Variants in NKAIN3 observed in about 807,000 individuals in gnomAD.
NKAIN3 encodes sodium/potassium transporting ATPase interacting 3.
In NKAIN3, 25 loss-of-function variants were observed where a neutral mutation model predicts 30.2. The ratio of observed to expected loss-of-function variants is 0.83; its 90% CI spans 0.60 to 1.16. The LOEUF is 1.16. NKAIN3 is among the 50% of genes most tolerant of loss of function. NKAIN3 has a pLI of 0.00. For synonymous variants in NKAIN3, 91 were observed against 89.6 expected, an observed-to-expected ratio of 1.02 and a Z score of -0.09; for missense variants, 225 against 254.1, an observed-to-expected ratio of 0.89 and a Z score of 0.78.
chr8:62,688,838 TTATC>T (rs1297749289), intron 3 of NKAIN3, among the ~76,000 whole-genome samples: 2 of 152,070 alleles, frequency 1.3e-5, no homozygotes, highest in Non-Finnish European at 2.9e-5. Flanking sequence ...TCCAAAGTCT[TTATC>T]TATTCTTCAG....
intron 1 of NKAIN3, among the ~76,000 whole-genome samples, chr8:62,263,806 C>A (rs546351489): frequency 6.6e-6 from 1 of 152,168 alleles, no homozygotes; most frequent in South Asian, 2.1e-4. Context: ...ATTTTCCATT[C>A]AAGTATAGAG....
intron 1 of NKAIN3, among the ~76,000 whole-genome samples, chr8:62,417,710 C>A (rs1804493337): frequency 6.6e-6 from 1 of 152,048 alleles, no homozygotes; most frequent in African/African-American, 2.4e-5. Flanking sequence ...ATTTAAATTT[C>A]TTTGACGATC....
intron 5 of NKAIN3, among the ~76,000 whole-genome samples, chr8:62,920,912 A>G (rs1261475173): frequency 6.6e-6 from 1 of 152,192 alleles, no homozygotes; most frequent in Non-Finnish European, 1.5e-5. Context: ...ATAGTTCTCA[A>G]ATGAGGGTAA....
chr8:62,462,555 A>G (rs1157403855), intron 1 of NKAIN3, among the ~76,000 whole-genome samples: 1 of 152,150 alleles, frequency 6.6e-6, no homozygotes, highest in Non-Finnish European at 1.5e-5. Context: ...AACCTCTGCT[A>G]AATTATACTT....
chr8:62,995,937 G>T (rs1804102735), intron 5 of NKAIN3, among the ~76,000 whole-genome samples: 1 of 152,172 alleles, frequency 6.6e-6, no homozygotes, highest in Admixed American at 6.5e-5. Context: ...AGAAACTCTT[G>T]GGTGGGCCCA....
intron 5 of NKAIN3, among the ~76,000 whole-genome samples, chr8:62,997,596 T>C (rs1804147299): frequency 6.6e-6 from 1 of 152,164 alleles, no homozygotes; most frequent in Non-Finnish European, 1.5e-5. Context: ...AGTGTTCAGA[T>C]CCACCAGCTG....
chr8:62,977,246 C>T lies in NKAIN3; in HGVS notation c.*11839C>T, dbSNP rs139718850. Reference sequence around the variant, plus strand: ...TTCTGTATTTCCTAAGCCTGCCTTGCGAGGTTGGGGAAGTTCTCCTGGATT... The same window carrying T: ...TTCTGTATTTCCTAAGCCTGCCTTGTGAGGTTGGGGAAGTTCTCCTGGATT... On this transcript the variant is annotated 3_prime_UTR_variant, in exon 7 of 7. Coordinates refer to ENST00000623646, the MANE Select transcript of NKAIN3 (RefSeq NM_001304533.3). Among the ~76,000 whole-genome samples the T allele has an allele frequency of 3.1e-4, 47 of 152,218 alleles. No individual in the cohort carries two copies. The highest frequency in any genetic ancestry group is 1.0e-3 in the African/African-American group (42 of 41,546).
At chr8:62,759,433 G>C (rs1218736997) in intron 4 of NKAIN3, among the ~76,000 whole-genome samples, 4 of 152,138 alleles carry the variant, frequency 2.6e-5, no homozygotes, top group Non-Finnish European at 5.9e-5. Flanking sequence ...TGTAGCAGTT[G>C]CAGACTATAT....
At chr8:62,790,203 G>C (rs4645552) in intron 4 of NKAIN3, among the ~76,000 whole-genome samples, 2,340 of 152,188 alleles carry the variant, frequency 0.015, 26 homozygotes, top group Middle Eastern at 0.041. Flanking sequence ...CAGAACCAAA[G>C]ACAAAAACCA....
chr8:62,335,524 C>A (rs1454726820), intron 1 of NKAIN3, among the ~76,000 whole-genome samples: 1 of 151,566 alleles, frequency 6.6e-6, no homozygotes, highest in African/African-American at 2.4e-5. Flanking sequence ...CTGGTAAAAT[C>A]AGTTCTATGT....
chr8:62,660,401 T>A (rs1235721306), intron 3 of NKAIN3, among the ~76,000 whole-genome samples: 1 of 152,176 alleles, frequency 6.6e-6, no homozygotes, highest in Non-Finnish European at 1.5e-5. Flanking sequence ...TGGATAGAGA[T>A]GAGGTATCCA....
At chr8:62,869,849 G>C (rs1483928217) in intron 4 of NKAIN3, among the ~76,000 whole-genome samples, 6 of 151,952 alleles carry the variant, frequency 3.9e-5, no homozygotes, top group African/African-American at 9.7e-5. Flanking sequence ...CTCACTGCAA[G>C]CTCCGCCTCC....
chr8:62,280,983 A>G (rs553557489), intron 1 of NKAIN3, among the ~76,000 whole-genome samples: 1 of 152,244 alleles, frequency 6.6e-6, no homozygotes, highest in African/African-American at 2.4e-5. Context: ...GGTAGAATTC[A>G]GCTGTGAATC....
chr8:62,767,719 C>G (rs995961997), intron 4 of NKAIN3, among the ~76,000 whole-genome samples: 1 of 151,914 alleles, frequency 6.6e-6, no homozygotes, highest in Non-Finnish European at 1.5e-5. Flanking sequence ...TCTCACAACG[C>G]AGGAACATCA....
intron 3 of NKAIN3, among the ~76,000 whole-genome samples, chr8:62,720,663 A>G (rs781700343): frequency 6.6e-5 from 10 of 152,170 alleles, no homozygotes; most frequent in Non-Finnish European, 1.3e-4. Context: ...TCTATAGCAT[A>G]TTCTCCAAAG....
intron 1 of NKAIN3, among the ~76,000 whole-genome samples, chr8:62,564,313 T>C (rs906832743): frequency 6.6e-6 from 1 of 152,086 alleles, no homozygotes; most frequent in African/African-American, 2.4e-5. Context: ...TGCAATACCT[T>C]CTGTCTTGCT....
intron 3 of NKAIN3, among the ~76,000 whole-genome samples, chr8:62,630,112 C>G (rs987487292): frequency 2.0e-5 from 3 of 151,964 alleles, no homozygotes; most frequent in Non-Finnish European, 2.9e-5. Flanking sequence ...TAATCTCTTA[C>G]TGTACCTAAT....
intron 4 of NKAIN3, among the ~76,000 whole-genome samples, chr8:62,883,678 T>A (rs1821062074): frequency 6.6e-6 from 1 of 151,956 alleles, no homozygotes; most frequent in Non-Finnish European, 1.5e-5. Flanking sequence ...AAATATGATG[T>A]TAGCTGTAGG....
chr8:62,460,660 G>C lies in NKAIN3; in HGVS notation c.55-118879G>C, dbSNP rs1053796157. 7.3e-4 allele frequency among the ~76,000 whole-genome samples: 111 copies of C among 152,130 alleles called. 5 individuals carry two copies. Among genetic ancestry groups the C allele is most frequent in the Non-Finnish European group, 2.9e-5 (2 of 68,030 alleles). ...ACTGCAGCCTGGCAAGCATCAGAGAGGGAAGAATGGAGCTAGAGCTTACTC... is the reference window on the plus strand; with the variant it reads ...ACTGCAGCCTGGCAAGCATCAGAGACGGAAGAATGGAGCTAGAGCTTACTC... On this transcript the variant is annotated intron_variant, in intron 1 of 6. Transcript: ENST00000623646.
Sources: allele counts gnomAD v4.1 joint callset (sites outside exome capture counted in the v4.1 genomes callset), GRCh38; gene constraint gnomAD v4.1.1; transcripts MANE v1.5; gene names NCBI Gene and HGNC (gene_info 2026-07-23, HGNC 2026-07-21).